Variants in MARS1 observed in about 807,000 individuals in gnomAD.
MARS1 encodes methionine--tRNA ligase, cytoplasmic.
MARS1 carries 80 observed loss-of-function variants against 119.5 expected under a neutral mutation model. The ratio of observed to expected loss-of-function variants is 0.67; its 90% CI spans 0.56 to 0.81. MARS1 has a LOEUF of 0.81. Among genes scored for constraint, MARS1 ranks in the 30% least tolerant of loss-of-function variants. The probability of loss-of-function intolerance (pLI) is 0.00; values close to 1 mark genes in which losing one functional copy is unlikely to be tolerated. For missense variants in MARS1, 945 were observed against 1,116.5 expected, an observed-to-expected ratio of 0.85 and a Z score of 2.19; for synonymous variants, 418 against 433.4, an observed-to-expected ratio of 0.96 and a Z score of 0.44.
At chr12:57,490,487 T>C in intron 6 of MARS1, 51 bp from the exon 7 acceptor site, 1 of 1,611,424 alleles carries the variant, frequency 6.2e-7, no homozygotes, top group Non-Finnish European at 8.5e-7. Flanking sequence ...AAAGTTTCTT[T>C]ACCCTGTGGG....
intron 9 of MARS1, among the ~76,000 whole-genome samples, chr12:57,499,391 C>G (rs1426583329): frequency 7.0e-6 from 1 of 143,732 alleles, no homozygotes; most frequent in Admixed American, 7.0e-5. Flanking sequence ...GTCAGGAGAT[C>G]GAGACTATCC....
At chr12:57,489,868 A>G (rs763942130) in intron 4 of MARS1, 28 bp from the exon 5 acceptor site, 2 of 1,594,184 alleles carry the variant, frequency 1.3e-6, no homozygotes, top group South Asian at 2.2e-5. Flanking sequence ...TCATTTGTGT[A>G]CATTTTCCTT....
Position 57,516,576 on chromosome 12 carries a change from A to G in MARS1, c.2698A>G (p.Lys900Glu), listed in dbSNP as rs1877852019. ...TGAAGCCCCTAAAGGCAAGAAGAAA[A>G]AGTAAAAGACCTTGGCTCATAGAAA... ...PPEAPKGKKK[K>E] The change falls in exon 21 of 21, where the codon AAG becomes GAG. Residue 900 changes from lysine (K) to glutamate (E), a missense_variant. Lys to Glu is a moderately conservative substitution (Grantham distance 56, BLOSUM62 1). Coordinates refer to ENST00000262027, the MANE Select transcript of MARS1 (RefSeq NM_004990.4). 1 of 1,574,458 alleles carries G rather than the reference A, an allele frequency of 6.4e-7. No individual in the cohort carries two copies. Among genetic ancestry groups the G allele is most frequent in the Non-Finnish European group, 8.6e-7 (1 of 1,167,864 alleles).
chr12:57,488,463 G>T (rs1875637329), intron 1 of MARS1: 1 of 1,134,548 alleles, frequency 8.8e-7, no homozygotes, highest in Non-Finnish European at 1.3e-6. Context: ...CCAGTAAACT[G>T]CTCTTCCCTT....
chr12:57,507,614 G>A (rs1330886864), intron 11 of MARS1, among the ~76,000 whole-genome samples: 2 of 121,036 alleles, frequency 1.7e-5, no homozygotes, highest in African/African-American at 2.9e-5. Context: ...CGGGGGTCTG[G>A]CCCCCCACCT....
chr12:57,515,489 C>A, intron 18 of MARS1, 153 bp downstream of exon 18: 1 of 709,502 alleles, frequency 1.4e-6, no homozygotes, highest in Non-Finnish European at 2.3e-6. Flanking sequence ...TTCACAAGTC[C>A]GGAATTATCT....
rs1417883377 is a variant in MARS1, at chr12:57,493,810, G to T, written c.770+3166G>T. Reference sequence around the variant, plus strand: ...TATATTATATATTATATTATATAATGTATATTATATATATTATATTATATA... The same window carrying T: ...TATATTATATATTATATTATATAATTTATATTATATATATTATATTATATA... On this transcript the variant is annotated intron_variant, in intron 7 of 20. Transcript: ENST00000262027. Among the ~76,000 whole-genome samples, 2 of 570 alleles carry T rather than the reference G, an allele frequency of 3.5e-3. 1 individual carries two copies. The highest frequency in any genetic ancestry group is 0.25 in the South Asian group (2 of 8). The allele number at this position is 570 out of a possible 152,430, so 0.4% of individuals were successfully genotyped here.
intron 11 of MARS1, 39 bp downstream of exon 11, chr12:57,504,338 C>T (rs1158988659): frequency 1.3e-6 from 2 of 1,515,730 alleles, no homozygotes; most frequent in Middle Eastern, 1.7e-4. Context: ...TTCAGGAGGC[C>T]TCTTCTGTCC....
rs1360549577 is a variant in MARS1 at position 57,516,611 on chromosome 12, A to G, written c.*30A>G. 5.8e-6 allele frequency: 9 copies of G among 1,551,076 alleles called. No individual in the cohort carries two copies. Among genetic ancestry groups the G allele is most frequent in the Non-Finnish European group, 6.1e-6 (7 of 1,155,698 alleles). ...CCTTGGCTCATAGAAAGTCACTTTA[A>G]TAGATAGGGACAGTAATAAATAAAT... On this transcript the variant is annotated 3_prime_UTR_variant, in exon 21 of 21. Transcript: ENST00000262027.
intron 8 of MARS1, 28 bp downstream of exon 8, chr12:57,498,301 T>A (rs772470384): frequency 1.2e-6 from 2 of 1,603,892 alleles, no homozygotes; most frequent in South Asian, 2.2e-5. Flanking sequence ...GGGAGAGACC[T>A]CCTAAGGGAA....
Position 57,493,420 on chromosome 12 carries a change from TATGATATGTATAATATATTACATAA to T in MARS1, c.770+2777_770+2801del, listed in dbSNP as rs1876135210. Among the ~76,000 whole-genome samples, 3 of 43,592 alleles carry T rather than the reference TATGATATGTATAATATATTACATAA, an allele frequency of 6.9e-5. 1 individual carries two copies. Among genetic ancestry groups the T allele is most frequent in the African/African-American group, 1.1e-4 (1 of 9,248 alleles). The allele number at this position is 43,592 out of a possible 152,430, so 28.6% of individuals were successfully genotyped here. On this transcript the variant is annotated intron_variant, in intron 7 of 20. Transcript: ENST00000262027. The stretch of plus-strand genomic sequence containing the variant: ...ATAATATATGTTATATAATATATTA[TATGATATGTATAATATATTACATAA>T]TATATAATATATTATAATATATAAT...
chr12:57,488,432 C>T, intron 1 of MARS1: 1 of 853,852 alleles, frequency 1.2e-6, no homozygotes, highest in Non-Finnish European at 1.8e-6. Flanking sequence ...CCTCTTCCGT[C>T]TTCCCGGTCC....
rs753757974 is a variant in MARS1 at position 57,516,181 on chromosome 12, G to A, written c.2464-64G>A. 5 of 1,479,944 alleles carry A rather than the reference G, an allele frequency of 3.4e-6. No individual in the cohort carries two copies. In the South Asian group the frequency reaches 4.5e-5, roughly 13 times the overall value. 91.7% of individuals were successfully genotyped at this position (1,479,944 alleles called of 1,614,324 possible). On this transcript the variant is annotated intron_variant, in intron 19 of 20. Transcript: ENST00000262027. ...AAGGTAACCACTTTCCCTCTGAGATGCTGTATAAAACTGGAGGTTAGGGGA... is the reference window on the plus strand; with the variant it reads ...AAGGTAACCACTTTCCCTCTGAGATACTGTATAAAACTGGAGGTTAGGGGA...
At chr12:57,488,880 C>A (rs1875689129) in intron 1 of MARS1, 139 bp from the exon 2 acceptor site, 2 of 794,302 alleles carry the variant, frequency 2.5e-6, no homozygotes, top group South Asian at 1.7e-5. Flanking sequence ...TTTCAGTGGT[C>A]CTATCCTGGA....
intron 11 of MARS1, among the ~76,000 whole-genome samples, chr12:57,507,920 C>A (rs938116081): frequency 6.6e-6 from 1 of 150,454 alleles, no homozygotes; most frequent in Admixed American, 6.6e-5. Context: ...GGCTGCCGGG[C>A]GGAGGGGCTC....
intron 1 of MARS1, 126 bp from the exon 2 acceptor site, chr12:57,488,893 T>G: frequency 2.4e-6 from 2 of 839,778 alleles, no homozygotes; most frequent in Non-Finnish European, 3.8e-6. Context: ...ATCCTGGAAC[T>G]TCTGGGTTGA....
chr12:57,490,197 A>G lies in MARS1; in HGVS notation c.491-10A>G. 1 of 1,606,232 alleles carries G rather than the reference A, an allele frequency of 6.2e-7. No individual in the cohort carries two copies. Among genetic ancestry groups the G allele is most frequent in the Non-Finnish European group, 8.5e-7 (1 of 1,177,002 alleles). ...ATGTTTGCTGATTTTCTTTTCTTCC[A>G]TACCCACAGAGGAGCTGAGTGCCCT... On this transcript the variant is annotated splice_polypyrimidine_tract_variant and intron_variant, in intron 5 of 20. Transcript: ENST00000262027.
At chr12:57,493,311 A>T (rs1197530206) in intron 7 of MARS1, among the ~76,000 whole-genome samples, 2 of 104,964 alleles carry the variant, frequency 1.9e-5, no homozygotes, top group Non-Finnish European at 3.5e-5. Context: ...TATAATATAT[A>T]TTATATAATA....
intron 7 of MARS1, among the ~76,000 whole-genome samples, chr12:57,494,918 C>G (rs1876510166): frequency 6.6e-6 from 1 of 152,320 alleles, no homozygotes; most frequent in Non-Finnish European, 1.5e-5. Context: ...TCCACACAGA[C>G]ACAGTAACAA....
Sources: gnomAD v4.1 joint callset for allele counts (sites outside exome capture counted in the v4.1 genomes callset) on GRCh38, gnomAD v4.1.1 for gene constraint, MANE v1.5 for transcripts, NCBI Gene and HGNC (gene_info 2026-07-23, HGNC 2026-07-21) for gene names.